PAX5: variants seen among roughly 807,000 people sequenced by gnomAD.
The protein encoded by PAX5 is paired box 5, also known as paired box protein Pax-5.
A neutral mutation model predicts 43.7 loss-of-function variants in PAX5; 9 were observed. The ratio of observed to expected loss-of-function variants is 0.21; its 90% confidence interval spans 0.12 to 0.36. PAX5 has a LOEUF of 0.36. PAX5 is among the 10% of genes least tolerant of loss of function. The pLI is 1.00. For synonymous variants in PAX5, 228 were observed against 214.3 expected, an observed-to-expected ratio of 1.06 and a Z score of -0.56; for missense variants, 383 against 532.7, an observed-to-expected ratio of 0.72 and a Z score of 2.77.
intron 1 of PAX5, among the ~76,000 whole-genome samples, chr9:37,027,032 G>C (rs774113430): frequency 3.9e-5 from 6 of 152,210 alleles, no homozygotes; most frequent in Non-Finnish European, 5.9e-5. Context: ...CTGCCAGGCT[G>C]GTTCCGCGGC....
chr9:36,979,190 C>T (rs1042004149), intron 5 of PAX5, among the ~76,000 whole-genome samples: 17 of 152,168 alleles, frequency 1.1e-4, no homozygotes, highest in African/African-American at 3.9e-4. Flanking sequence ...AGAGATCAGC[C>T]TCTGTCTGCC....
In PAX5 at chr9:37,034,258, A is replaced by ATT. The variant is rs1841326666; in HGVS notation, c.-229_-228dup. On this transcript the variant is annotated 5_prime_UTR_variant, in exon 1 of 10. Transcript: ENST00000358127. ...AAGCGTCCGAAGGCACCGTGAAATG[A>ATT]TTAAGGAACTAAAGAGCTTCTCGCC... 3.5e-5 allele frequency: 19 copies of ATT among 540,704 alleles called. 1 individual carries two copies. In the South Asian group the frequency reaches 3.9e-4, roughly 11 times the overall value. 33.5% of individuals were successfully genotyped at this position (540,704 alleles called of 1,614,324 possible). A position where few individuals can be genotyped will look rare whatever the true frequency, so the allele number is the denominator to read the frequency against.
chr9:36,992,039 A>C (rs570254475), intron 5 of PAX5, among the ~76,000 whole-genome samples: 1 of 152,292 alleles, frequency 6.6e-6, no homozygotes, highest in Admixed American at 6.5e-5. Flanking sequence ...GACTAACACA[A>C]ATGTTAATTT....
At chr9:36,994,015 C>T (rs77328788) in intron 5 of PAX5, among the ~76,000 whole-genome samples, 12,530 of 152,186 alleles carry the variant, frequency 0.082, 708 homozygotes, top group Middle Eastern at 0.23. Context: ...TTGGCTCTCA[C>T]GGGGGCTCTC....
In PAX5 at chr9:37,015,252, A is replaced by C. The variant is rs1839293584; in HGVS notation, c.213-58T>G. On this transcript the variant is annotated intron_variant, in intron 2 of 9. Coordinates refer to ENST00000358127, the MANE Select transcript of PAX5 (RefSeq NM_016734.3). This position sits in a 1 kb window ranked among gnomAD's most constrained non-coding sequence, Gnocchi z 4.4. ...AGGAACCAGTAAAGTGGATATTGGCAACAAAATAACGGGCTACTCTGGCCA... is the reference window on the plus strand; with the variant it reads ...AGGAACCAGTAAAGTGGATATTGGCCACAAAATAACGGGCTACTCTGGCCA... 6.8e-7 allele frequency: 1 copy of C among 1,470,164 alleles called. No individual in the cohort carries two copies. Among genetic ancestry groups the C allele is most frequent in the Non-Finnish European group, 9.5e-7 (1 of 1,051,142 alleles). The allele number at this position is 1,470,164 out of a possible 1,614,324, so 91.1% of individuals were successfully genotyped here. A position where few individuals can be genotyped will look rare whatever the true frequency, so the allele number is the denominator to read the frequency against.
At chr9:36,848,381 C>CACACACACACAT (rs1305703796) in intron 8 of PAX5, among the ~76,000 whole-genome samples, 1 of 151,842 alleles carries the variant, frequency 6.6e-6, no homozygotes, top group East Asian at 1.9e-4. Flanking sequence ...CACACACACA[C>CACACACACACAT]ATGCTCGCGC....
intron 8 of PAX5, among the ~76,000 whole-genome samples, chr9:36,850,952 C>T (rs1252397773): frequency 6.6e-6 from 1 of 152,160 alleles, no homozygotes; most frequent in Non-Finnish European, 1.5e-5. Context: ...TAAACTGGGC[C>T]CCAAAATGGT....
chr9:36,930,046 C>A (rs879329109), intron 6 of PAX5, among the ~76,000 whole-genome samples: 1 of 150,614 alleles, frequency 6.6e-6, no homozygotes, highest in Non-Finnish European at 1.5e-5. Context: ...TCTTATAAGA[C>A]CTCAAGGTCA....
At chr9:36,993,792 C>T (rs573041351) in intron 5 of PAX5, among the ~76,000 whole-genome samples, 3 of 152,166 alleles carry the variant, frequency 2.0e-5, no homozygotes, top group South Asian at 4.1e-4. Flanking sequence ...ATATCCCCCT[C>T]CATCGGCCCC....
chr9:37,005,059 C>T (rs1319553287), intron 4 of PAX5, among the ~76,000 whole-genome samples: 1 of 152,206 alleles, frequency 6.6e-6, no homozygotes, highest in Non-Finnish European at 1.5e-5. Context: ...AGAATATTAG[C>T]AGTTATACCC....
intron 9 of PAX5, among the ~76,000 whole-genome samples, chr9:36,845,687 G>A (rs1822497472): frequency 6.6e-6 from 1 of 152,200 alleles, no homozygotes; most frequent in South Asian, 2.1e-4. Flanking sequence ...CAAGAGAGAA[G>A]TGGTTTCCAT....
At chr9:36,984,252 G>A (rs946039594) in intron 5 of PAX5, among the ~76,000 whole-genome samples, 2 of 152,076 alleles carry the variant, frequency 1.3e-5, no homozygotes, top group African/African-American at 4.8e-5. Context: ...CAAGAGCAAG[G>A]CAGGTGGGAC....
intron 5 of PAX5, among the ~76,000 whole-genome samples, chr9:36,976,358 G>A (rs1238103288): frequency 2.0e-5 from 3 of 152,154 alleles, no homozygotes; most frequent in African/African-American, 7.2e-5. Flanking sequence ...ATCCAGAGAT[G>A]ACTAACAACA....
At chr9:37,007,869 T>A (rs954217748) in intron 3 of PAX5, 1 of 143,152 alleles carries the variant, frequency 7.0e-6, no homozygotes, top group Non-Finnish European at 1.5e-5. Flanking sequence ...ATGTATACAG[T>A]TTTTTTTGTT....
intron 8 of PAX5, among the ~76,000 whole-genome samples, chr9:36,851,087 C>A (rs1823116496): frequency 6.6e-6 from 1 of 152,240 alleles, no homozygotes; most frequent in African/African-American, 2.4e-5. Flanking sequence ...AGCGATTGAA[C>A]CTTCCAGGCA....
intron 2 of PAX5, among the ~76,000 whole-genome samples, chr9:37,019,142 C>T (rs1363268930): frequency 6.6e-6 from 1 of 152,108 alleles, no homozygotes; most frequent in East Asian, 1.9e-4. Flanking sequence ...CTCTCTTTCT[C>T]CTGTCTTGTC....
intron 7 of PAX5, among the ~76,000 whole-genome samples, chr9:36,914,058 G>A (rs190214631): frequency 6.0e-4 from 91 of 152,292 alleles, no homozygotes; most frequent in Non-Finnish European, 1.6e-4. Context: ...TCCAGAGGGC[G>A]TTTTGAAAAT....
chr9:36,862,116 C>T (rs1272515987), intron 8 of PAX5, among the ~76,000 whole-genome samples: 1 of 152,124 alleles, frequency 6.6e-6, no homozygotes, highest in Non-Finnish European at 1.5e-5. Context: ...ATGCTGAATT[C>T]TAGTCCTGGC....
intron 5 of PAX5, among the ~76,000 whole-genome samples, chr9:36,966,936 C>G (rs1834495990): frequency 6.6e-6 from 1 of 152,238 alleles, no homozygotes; most frequent in Non-Finnish European, 1.5e-5. Flanking sequence ...GTGCCAGGGA[C>G]TGTGCAAAGC....
Sources: gnomAD v4.1 joint callset for allele counts (sites outside exome capture counted in the v4.1 genomes callset) on GRCh38, gnomAD v4.1.1 for gene constraint, Gnocchi (gnomAD v3.1) non-coding constraint, MANE v1.5 for transcripts, NCBI Gene and HGNC (gene_info 2026-07-23, HGNC 2026-07-21) for gene names.